The following NELL1 variants were observed in gnomAD, a reference collection of about 807,000 sequenced individuals.
NELL1 encodes neural EGFL like 1.
In NELL1, 76 loss-of-function variants were observed where a neutral mutation model predicts 107.4. That is an observed-to-expected ratio of 0.71 (90% CI 0.59 to 0.86). NELL1 has a LOEUF of 0.86. Among genes scored for constraint, NELL1 ranks in the 40% least tolerant of loss-of-function variants. The pLI, the probability that NELL1 is intolerant of heterozygous loss-of-function variation, is 0.00. For missense variants in NELL1, 1,024 were observed against 1,005.5 expected (o/e 1.02, Z -0.25); for synonymous variants, 353 against 341.2 (o/e 1.03, Z -0.38).
rs1380863768 is a variant in NELL1, at chr11:20,774,507, AG to A, written c.185-9171del. Among the ~76,000 whole-genome samples the A allele has an allele frequency of 6.7e-5, 10 of 149,968 alleles. No homozygotes were observed. The South Asian group carries it at 2.0e-3, about 30-fold the overall frequency. On this transcript the variant is annotated intron_variant, in intron 2 of 19. Transcript: ENST00000357134. Reference sequence around the variant, plus strand: ...CAGCTTCCTGAGTAGCTGAGATTACAGGCATATGCTACCATGCCTGGCTCTA... The same window carrying A: ...CAGCTTCCTGAGTAGCTGAGATTACAGCATATGCTACCATGCCTGGCTCTA...
At chr11:21,405,935 A>G (rs1590906571) in intron 15 of NELL1, among the ~76,000 whole-genome samples, 1 of 152,010 alleles carries the variant, frequency 6.6e-6, no homozygotes, top group Admixed American at 6.6e-5. Flanking sequence ...CACTGGACAC[A>G]TGTTGGGGAA....
chr11:21,086,638 A>G (rs1854398195), intron 12 of NELL1, among the ~76,000 whole-genome samples: 2 of 152,134 alleles, frequency 1.3e-5, no homozygotes, highest in Admixed American at 6.5e-5. Context: ...TGATCCTAGA[A>G]GCTTTCATTT....
intron 3 of NELL1, among the ~76,000 whole-genome samples, chr11:20,818,181 A>T (rs10766727): frequency 8.3e-4 from 126 of 152,212 alleles, no homozygotes; most frequent in Middle Eastern, 6.8e-3. Flanking sequence ...CTATCAGTGG[A>T]GTGAAGTCCC....
chr11:21,291,613 C>T (rs1017214765), intron 14 of NELL1, among the ~76,000 whole-genome samples: 1 of 151,976 alleles, frequency 6.6e-6, no homozygotes, highest in Non-Finnish European at 1.5e-5. Context: ...GGCAGAGATA[C>T]AACAACAAAA....
At chr11:21,282,159 A>G (rs1347539592) in intron 14 of NELL1, among the ~76,000 whole-genome samples, 1 of 152,214 alleles carries the variant, frequency 6.6e-6, no homozygotes, top group African/African-American at 2.4e-5. Flanking sequence ...GGAAAAAAAA[A>G]TCTAACAATC....
intron 14 of NELL1, among the ~76,000 whole-genome samples, chr11:21,290,408 TAAATA>T: frequency 6.7e-6 from 1 of 150,374 alleles, no homozygotes; most frequent in East Asian, 2.0e-4. Flanking sequence ...GATAAATAAA[TAAATA>T]AATAAATAAA....
At chr11:21,167,215 C>T (rs1856503701) in intron 13 of NELL1, among the ~76,000 whole-genome samples, 1 of 151,816 alleles carries the variant, frequency 6.6e-6, no homozygotes, top group Admixed American at 6.6e-5. Context: ...AGCATAACCT[C>T]CATTTGTGGT....
rs77814188 is a variant in NELL1 at position 21,185,020 on chromosome 11, T to G, written c.1427-44312T>G. Among the ~76,000 whole-genome samples, 1,471 of 151,992 alleles carry G rather than the reference T, an allele frequency of 9.7e-3. 17 individuals carry two copies. The highest frequency in any genetic ancestry group is 0.054 in the South Asian group (259 of 4,830). ...GCATAAGAATTGCCCTTCCTTGAGC[T>G]TAACCAATTGTCTGTCATCTTTTAG... On this transcript the variant is annotated intron_variant, in intron 13 of 19. Coordinates refer to ENST00000357134, the MANE Select transcript of NELL1 (RefSeq NM_006157.5).
intron 13 of NELL1, among the ~76,000 whole-genome samples, chr11:21,132,484 A>G (rs1183816695): frequency 6.6e-6 from 1 of 152,186 alleles, no homozygotes. Flanking sequence ...GCAAGTGAGC[A>G]CACAGTCCAG....
At position 21,481,551 on chromosome 11, in the gene NELL1, C is replaced by G. The variant is rs1206050170; in HGVS notation, c.1646-52823C>G. 1.3e-5 allele frequency among the ~76,000 whole-genome samples: 2 copies of G among 152,180 alleles called. 1 individual carries two copies. The highest frequency in any genetic ancestry group is 2.9e-5 in the Non-Finnish European group (2 of 68,040). On this transcript the variant is annotated intron_variant, in intron 15 of 19. Transcript: ENST00000357134. ...ACCTGCTAGATATTTCCTAAGAGCA[C>G]AAGTAAATGAAACAGATTCCTATTG...
intron 15 of NELL1, among the ~76,000 whole-genome samples, chr11:21,451,181 C>T (rs1227908336): frequency 2.8e-5 from 3 of 105,392 alleles, no homozygotes; most frequent in East Asian, 5.2e-4. Context: ...AGATAGACTC[C>T]GTCTAAAAAA....
intron 14 of NELL1, among the ~76,000 whole-genome samples, chr11:21,253,233 T>G (rs1458778148): frequency 6.6e-6 from 1 of 152,140 alleles, no homozygotes; most frequent in African/African-American, 2.4e-5. Context: ...TCTTTAATTC[T>G]TGGAAATCTT....
chr11:20,961,236 G>A (rs1357371390), intron 12 of NELL1, among the ~76,000 whole-genome samples: 4 of 152,154 alleles, frequency 2.6e-5, no homozygotes, highest in Non-Finnish European at 5.9e-5. Flanking sequence ...TGCTAGTGGT[G>A]AGCATTGCAT....
At chr11:21,328,131 G>A (rs1850186306) in intron 14 of NELL1, among the ~76,000 whole-genome samples, 1 of 152,144 alleles carries the variant, frequency 6.6e-6, no homozygotes, top group African/African-American at 2.4e-5. Flanking sequence ...GGTTATCAGA[G>A]ACCTTCATGG....
At chr11:21,394,809 A>C (rs2133788472) in intron 15 of NELL1, among the ~76,000 whole-genome samples, 1 of 151,702 alleles carries the variant, frequency 6.6e-6, no homozygotes, top group South Asian at 2.1e-4. Flanking sequence ...ACACTTATGC[A>C]TGCTAGAATA....
At chr11:20,716,453 T>C (rs1855252513) in intron 2 of NELL1, among the ~76,000 whole-genome samples, 1 of 152,232 alleles carries the variant, frequency 6.6e-6, no homozygotes, top group South Asian at 2.1e-4. Context: ...TAACAAAAAA[T>C]AATTGCAAAA....
At chr11:20,950,694 A>G (rs966374057) in intron 11 of NELL1, among the ~76,000 whole-genome samples, 3 of 152,246 alleles carry the variant, frequency 2.0e-5, no homozygotes, top group African/African-American at 7.2e-5. Flanking sequence ...TGTATCCTGC[A>G]TATGGAAAGG....
chr11:20,999,236 T>G (rs1388650866), intron 12 of NELL1, among the ~76,000 whole-genome samples: 1 of 152,174 alleles, frequency 6.6e-6, no homozygotes, highest in East Asian at 1.9e-4. Context: ...GTTTAGTTCC[T>G]TTGCTTCTTT....
intron 14 of NELL1, among the ~76,000 whole-genome samples, chr11:21,336,939 T>C (rs1363952118): frequency 6.6e-6 from 1 of 152,016 alleles, no homozygotes; most frequent in Non-Finnish European, 1.5e-5. Flanking sequence ...TGGGTTGAAT[T>C]TGAGACCAAT....
Sources: allele counts gnomAD v4.1 joint callset (sites outside exome capture counted in the v4.1 genomes callset), GRCh38; gene constraint gnomAD v4.1.1; transcripts MANE v1.5; gene names NCBI Gene and HGNC (gene_info 2026-07-23, HGNC 2026-07-21).